Variants in RAB3GAP1 observed in about 807,000 individuals in gnomAD.
RAB3GAP1 encodes rab3 GTPase-activating protein catalytic subunit.
RAB3GAP1 carries 86 observed loss-of-function variants against 130.7 expected under a neutral mutation model. The observed-to-expected ratio is 0.66, with a 90% CI of 0.55 to 0.79. RAB3GAP1 has a LOEUF of 0.79. Among genes scored for constraint, RAB3GAP1 ranks in the 30% least tolerant of loss-of-function variants. RAB3GAP1 has a pLI of 0.00. For synonymous variants in RAB3GAP1, 367 were observed against 401.7 expected (o/e 0.91, Z 1.03); for missense variants, 1,029 against 1,169.4 (o/e 0.88, Z 1.75).
At chr2:135,167,664 C>T in intron 23 of RAB3GAP1, 1 of 1,474,836 alleles carries the variant, frequency 6.8e-7, no homozygotes. Context: ...TCCCTTTCAT[C>T]ACTGTTTCTT....
rs771252870 is a variant in RAB3GAP1, at chr2:135,162,794, A to G, written c.2433A>G (p.Ile811Met). 1 of 1,613,934 alleles carries G rather than the reference A, an allele frequency of 6.2e-7. No homozygotes were observed. Among genetic ancestry groups the G allele is most frequent in the Non-Finnish European group, 8.5e-7 (1 of 1,179,768 alleles). ...ISSVKKIIKQ[I>M]ISHSSKVLHF... ...CAGTTAAGAAGATCATAAAGCAGATAATATCCCATTCCAGTAAAGTTTTGC... is the reference window on the plus strand; with the variant it reads ...CAGTTAAGAAGATCATAAAGCAGATGATATCCCATTCCAGTAAAGTTTTGC... The change falls in exon 21 of 24, where the codon ATA (isoleucine) becomes ATG (methionine). Residue 811 changes from isoleucine to methionine, a missense_variant. Physicochemically the swap from Ile to Met is conservative, Grantham distance 10 (BLOSUM62 1). Coordinates refer to ENST00000264158, the MANE Select transcript of RAB3GAP1 (RefSeq NM_012233.3).
Position 135,126,644 on chromosome 2 carries a change from C to T in RAB3GAP1, c.961C>T (p.Gln321Ter). ...TAGAGTTCGAAAAGCTGAGAATCCT[C>T]AGTGTTTGCTAGGTAAGGTATATTA... is the stretch of plus-strand genomic sequence containing the variant. ...SVRVRKAENP[Q>*]CLLGDFVTEF... Residue 321 changes from glutamine (Q) to a stop codon, truncating the protein, a stop_gained, in exon 11 of 24, where the codon CAG becomes TAG. Coordinates refer to ENST00000264158, the MANE Select transcript of RAB3GAP1 (RefSeq NM_012233.3). LOFTEE classifies it high-confidence loss of function. 2 of 1,611,444 alleles carry T rather than the reference C, an allele frequency of 1.2e-6. No individual in the cohort carries two copies. The highest frequency in any genetic ancestry group is 1.1e-5 in the South Asian group (1 of 91,020).
In RAB3GAP1 at chr2:135,130,733, T is replaced by A. The variant is rs768732156; in HGVS notation, c.1236+12T>A. ...ATACTATTCTCCTGGTAACTAAATG[T>A]TCTGTCTTTATAGGTCTATATGCAG... On this transcript the variant is annotated intron_variant, in intron 13 of 23. Transcript: ENST00000264158. 7.5e-6 allele frequency: 12 copies of A among 1,604,420 alleles called. No individual in the cohort carries two copies. In the East Asian group the frequency reaches 2.7e-4, roughly 36 times the overall value.
Position 135,136,693 on chromosome 2 carries a change from C to G in RAB3GAP1, c.1923+761C>G, listed in dbSNP as rs906314615. The stretch of plus-strand genomic sequence containing the variant: ...TTATGGATAGGTGCAAAAAATAAAT[C>G]CTCTTTTGCAACCCAGAACTCATTG... On this transcript the variant is annotated intron_variant, in intron 17 of 23. Coordinates refer to ENST00000264158, the MANE Select transcript of RAB3GAP1 (RefSeq NM_012233.3). The G allele has an allele frequency of 9.2e-6, 12 of 1,299,084 alleles. No individual in the cohort carries two copies. In the African/African-American group the frequency reaches 1.8e-4, roughly 20 times the overall value. 80.5% of individuals were successfully genotyped at this position (1,299,084 alleles called of 1,614,324 possible).
At chr2:135,170,934 C>T (rs959514772), downstream of RAB3GAP1, among the ~76,000 whole-genome samples, 1 of 152,004 alleles carries the variant, frequency 6.6e-6, no homozygotes, top group African/African-American at 2.4e-5. Context: ...AATCTGGTCT[C>T]GGCCATGTCT....
chr2:135,098,634 C>T (rs1690366666), intron 5 of RAB3GAP1, among the ~76,000 whole-genome samples: 1 of 152,058 alleles, frequency 6.6e-6, no homozygotes, highest in African/African-American at 2.4e-5. Context: ...GTGGCAGTGG[C>T]CTGTAATATT....
At chr2:135,062,697 A>C (rs1689210683) in intron 3 of RAB3GAP1, among the ~76,000 whole-genome samples, 1 of 152,122 alleles carries the variant, frequency 6.6e-6, no homozygotes. Context: ...GTCATCTTTA[A>C]TTTTCCTCAG....
intron 17 of RAB3GAP1, among the ~76,000 whole-genome samples, chr2:135,145,776 G>T (rs186173652): frequency 6.6e-6 from 1 of 152,056 alleles, no homozygotes; most frequent in Non-Finnish European, 1.5e-5. Flanking sequence ...ATTATTGCCC[G>T]TCAAGATGCA....
chr2:135,062,397 C>G (rs1689202518), intron 3 of RAB3GAP1, among the ~76,000 whole-genome samples: 1 of 152,226 alleles, frequency 6.6e-6, no homozygotes, highest in Non-Finnish European at 1.5e-5. Flanking sequence ...CAGATATTGC[C>G]AAATGCCCGC....
intron 17 of RAB3GAP1, among the ~76,000 whole-genome samples, chr2:135,147,615 T>TCCCC (rs1553448280): frequency 1.7e-4 from 23 of 133,048 alleles, no homozygotes; most frequent in South Asian, 5.8e-4. Flanking sequence ...AGTAGTCCCC[T>TCCCC]CCCCCCCCCT....
intron 8 of RAB3GAP1, among the ~76,000 whole-genome samples, chr2:135,123,547 GA>G (rs1008934820): frequency 2.6e-5 from 4 of 151,974 alleles, no homozygotes; most frequent in Non-Finnish European, 4.4e-5. Flanking sequence ...ATTTCAAAGA[GA>G]AAAAAATCCT....
At chr2:135,172,885 A>G (rs1267368413), downstream of RAB3GAP1, among the ~76,000 whole-genome samples, 1 of 152,196 alleles carries the variant, frequency 6.6e-6, no homozygotes, top group African/African-American at 2.4e-5. Context: ...ACAACAGAAC[A>G]TGGAGGAAGT....
In RAB3GAP1 at chr2:135,169,198, C is replaced by G. The variant is rs1300505661; in HGVS notation, c.*417C>G. On this transcript the variant is annotated 3_prime_UTR_variant, in exon 24 of 24. Coordinates refer to ENST00000264158, the MANE Select transcript of RAB3GAP1 (RefSeq NM_012233.3). ...GCAGCAAGTGTGCAAAATAAAGGAC[C>G]TGTTAACTCAGATTTCTGGATATTT... 1 of 254,838 alleles carries G rather than the reference C, an allele frequency of 3.9e-6. No individual in the cohort carries two copies. Among genetic ancestry groups the G allele is most frequent in the Non-Finnish European group, 7.7e-6 (1 of 129,312 alleles). The allele number at this position is 254,838 out of a possible 1,614,324, so 15.8% of individuals were successfully genotyped here.
chr2:135,108,515 CTTT>C (rs199985816), intron 5 of RAB3GAP1, among the ~76,000 whole-genome samples: 2 of 128,690 alleles, frequency 1.6e-5, no homozygotes, highest in Non-Finnish European at 1.7e-5. Flanking sequence ...GTCTTTGGGG[CTTT>C]TTTTTTTTTT....
chr2:135,132,347 A>G lies in RAB3GAP1; in HGVS notation c.1237-548A>G, dbSNP rs1691572549. On this transcript the variant is annotated intron_variant, in intron 13 of 23. Coordinates refer to ENST00000264158, the MANE Select transcript of RAB3GAP1 (RefSeq NM_012233.3). Reference sequence around the variant, plus strand: ...TTTTTGACCACTCGTACATGTACATATAAACAGAAACCACATGGAAAAGGT... The same window carrying G: ...TTTTTGACCACTCGTACATGTACATGTAAACAGAAACCACATGGAAAAGGT... 2.0e-5 allele frequency among the ~76,000 whole-genome samples: 3 copies of G among 152,198 alleles called. No homozygotes were observed. In the South Asian group the frequency reaches 6.2e-4, roughly 31 times the overall value.
In RAB3GAP1 at chr2:135,135,335, T is replaced by C. The variant is rs979206258; in HGVS notation, c.1554+16T>C. 3.8e-6 allele frequency: 6 copies of C among 1,584,274 alleles called. No homozygotes were observed. The African/African-American group carries it at 6.7e-5, about 18-fold the overall frequency. ...GAAACTACAGGTAAAGATTTCTCAA[T>C]GACATGGATAAATGTGGTCTTGATT... is the stretch of plus-strand genomic sequence containing the variant. On this transcript the variant is annotated intron_variant, in intron 16 of 23. Coordinates refer to ENST00000264158, the MANE Select transcript of RAB3GAP1 (RefSeq NM_012233.3).
chr2:135,133,337 G>A (rs930867782), intron 14 of RAB3GAP1, among the ~76,000 whole-genome samples: 1 of 152,038 alleles, frequency 6.6e-6, no homozygotes, highest in Non-Finnish European at 1.5e-5. Flanking sequence ...AGTAAAATGT[G>A]TAAAATTAGG....
intron 3 of RAB3GAP1, among the ~76,000 whole-genome samples, chr2:135,061,130 T>G (rs990171768): frequency 2.6e-5 from 4 of 152,278 alleles, no homozygotes; most frequent in East Asian, 3.9e-4. Flanking sequence ...TCATCTAGGT[T>G]GTTGTACATA....
In RAB3GAP1 at chr2:135,170,252, G is replaced by C. The variant is rs1692813046; in HGVS notation, c.*1471G>C. 6.6e-6 allele frequency: 1 copy of C among 151,982 alleles called. No individual in the cohort carries two copies. Among genetic ancestry groups the C allele is most frequent in the Non-Finnish European group, 1.5e-5 (1 of 68,030 alleles). 9.4% of individuals were successfully genotyped at this position (151,982 alleles called of 1,614,324 possible). A position where few individuals can be genotyped will look rare whatever the true frequency, so the allele number is the denominator to read the frequency against. ...CAAAGGAGAGGTTGGGCGTTACAAAGGCATTGTGAATCTAATAAAAGGAAA... is the reference window on the plus strand; with the variant it reads ...CAAAGGAGAGGTTGGGCGTTACAAACGCATTGTGAATCTAATAAAAGGAAA... On this transcript the variant is annotated 3_prime_UTR_variant, in exon 24 of 24. Coordinates refer to ENST00000264158, the MANE Select transcript of RAB3GAP1 (RefSeq NM_012233.3).
Sources: gnomAD v4.1 joint callset for allele counts (sites outside exome capture counted in the v4.1 genomes callset) on GRCh38, gnomAD v4.1.1 for gene constraint, MANE v1.5 for transcripts, NCBI Gene and HGNC (gene_info 2026-07-23, HGNC 2026-07-21) for gene names.